The following STAG1 variants were observed in gnomAD, a reference collection of about 807,000 sequenced individuals.
STAG1 encodes the protein STAG1 cohesin complex component, also known as cohesin subunit SA-1.
Under a neutral mutation model 170.9 loss-of-function variants are expected in STAG1, and 26 were observed. The ratio of observed to expected loss-of-function variants is 0.15; its 90% CI spans 0.11 to 0.21. STAG1 has a LOEUF of 0.21. Among genes scored for constraint, STAG1 ranks in the 10% least tolerant of loss-of-function variants. The pLI is 1.00. For missense variants in STAG1, 964 were observed against 1,509.5 expected (o/e 0.64, Z 5.99); for synonymous variants, 514 against 497.7 (o/e 1.03, Z -0.44).
At chr3:136,379,073 C>A (rs1029195548) in intron 22 of STAG1, among the ~76,000 whole-genome samples, 1 of 152,110 alleles carries the variant, frequency 6.6e-6, no homozygotes, top group African/African-American at 2.4e-5. Context: ...GAAGAAGGAG[C>A]GAGTTCATCT....
chr3:136,641,054 G>T (rs975312017), intron 1 of STAG1, among the ~76,000 whole-genome samples: 1 of 152,108 alleles, frequency 6.6e-6, no homozygotes, highest in Non-Finnish European at 1.5e-5. Flanking sequence ...AAACCTCATG[G>T]TTTTCATATA....
chr3:136,418,402 G>GAAAAAAAAA (rs1559789147), intron 20 of STAG1, among the ~76,000 whole-genome samples: 1 of 89,392 alleles, frequency 1.1e-5, no homozygotes, highest in African/African-American at 5.1e-5. Flanking sequence ...AAAAAAAAAG[G>GAAAAAAAAA]TTTTTTTCAT....
At chr3:136,344,406 C>A (rs1423067493) in intron 29 of STAG1, among the ~76,000 whole-genome samples, 1 of 152,042 alleles carries the variant, frequency 6.6e-6, no homozygotes, top group South Asian at 2.1e-4. Context: ...TCCTGGGCCT[C>A]GTAGGGGTCC....
chr3:136,492,500 A>T (rs527881776), intron 9 of STAG1, among the ~76,000 whole-genome samples: 1 of 152,332 alleles, frequency 6.6e-6, no homozygotes, highest in East Asian at 1.9e-4. Flanking sequence ...GATGGACAGA[A>T]TTTATGCTCT....
At position 136,557,753 on chromosome 3, in the gene STAG1, A is replaced by G. The variant is rs1936685517; in HGVS notation, c.394+11012T>C. 2.0e-5 allele frequency among the ~76,000 whole-genome samples: 3 copies of G among 152,190 alleles called. No homozygotes were observed. The South Asian group carries it at 6.2e-4, about 32-fold the overall frequency. On this transcript the variant is annotated intron_variant, in intron 5 of 33. Coordinates refer to ENST00000383202, the MANE Select transcript of STAG1 (RefSeq NM_005862.3). ...AGTGTTTCACCATGTTGGCCAGGCCAGTCTTGAACACCTGACCTCAAGTGA... is the reference window on the plus strand; with the variant it reads ...AGTGTTTCACCATGTTGGCCAGGCCGGTCTTGAACACCTGACCTCAAGTGA...
chr3:136,528,387 A>G (rs1025258835), intron 6 of STAG1, among the ~76,000 whole-genome samples: 2 of 152,028 alleles, frequency 1.3e-5, no homozygotes, highest in Non-Finnish European at 2.9e-5. Flanking sequence ...GCCAGGCGCT[A>G]TAAGAGATGT....
rs541827022 is a variant in STAG1 at position 136,723,721 on chromosome 3, C to T, written c.-84+28474G>A. Among the ~76,000 whole-genome samples the T allele has an allele frequency of 2.7e-3, 404 of 148,054 alleles. 1 individual carries two copies. Among genetic ancestry groups the T allele is most frequent in the African/African-American group, 7.1e-3 (284 of 40,050 alleles). ...GAGGTGAGGGGCGCCTCTGCCTGGC[C>T]GCACCTACTTGGAAGTGAGGAGCCC... On this transcript the variant is annotated intron_variant, in intron 1 of 33. Coordinates refer to ENST00000383202, the MANE Select transcript of STAG1 (RefSeq NM_005862.3).
chr3:136,623,167 C>T lies in STAG1; in HGVS notation c.111G>A (p.Arg37=), dbSNP rs769420135. The T allele has an allele frequency of 1.2e-6, 2 of 1,613,524 alleles. No homozygotes were observed. The highest frequency in any genetic ancestry group is 1.7e-6 in the Non-Finnish European group (2 of 1,179,702). ...EETEVKGKRK[R]GRPGRPPSTN... ...ATACTGGAGGCCGGCCAGGACGACC[C>T]CTTTTTCTTTTTCCTTTGACCTCTG... is the stretch of plus-strand genomic sequence containing the variant. The change falls in exon 3 of 34, where the codon AGG becomes AGA. Residue 37 remains arginine (R), a synonymous_variant. Transcript: ENST00000383202.
chr3:136,420,407 G>C (rs749879057), intron 20 of STAG1, among the ~76,000 whole-genome samples: 23 of 152,080 alleles, frequency 1.5e-4, no homozygotes, highest in Non-Finnish European at 2.9e-4. Context: ...CTATTGCCCA[G>C]GCTGGTCTCA....
At chr3:136,513,630 C>T (rs1028960428) in intron 7 of STAG1, among the ~76,000 whole-genome samples, 7 of 151,768 alleles carry the variant, frequency 4.6e-5, no homozygotes, top group African/African-American at 7.2e-5. Context: ...ACTTTGGAAA[C>T]GAGAAACAAA....
chr3:136,400,708 G>A (rs1289325028), intron 21 of STAG1, among the ~76,000 whole-genome samples: 1 of 151,916 alleles, frequency 6.6e-6, no homozygotes, highest in African/African-American at 2.4e-5. Flanking sequence ...GCTAATTTTT[G>A]TATTTTTAGT....
chr3:136,374,703 A>G (rs1238535677), intron 23 of STAG1, among the ~76,000 whole-genome samples: 1 of 152,172 alleles, frequency 6.6e-6, no homozygotes, highest in African/African-American at 2.4e-5. Flanking sequence ...AAGTTAAAAA[A>G]ATTAAAAAGT....
intron 10 of STAG1, among the ~76,000 whole-genome samples, chr3:136,476,175 G>A (rs918524962): frequency 2.0e-5 from 3 of 152,136 alleles, no homozygotes; most frequent in Non-Finnish European, 4.4e-5. Context: ...CTACCTGGAA[G>A]CCTCAAATAA....
chr3:136,357,096 C>T (rs1476534332), intron 28 of STAG1, among the ~76,000 whole-genome samples: 3 of 152,004 alleles, frequency 2.0e-5, no homozygotes, highest in African/African-American at 4.8e-5. Context: ...TACAGGCACC[C>T]GCCACCACGC....
intron 24 of STAG1, among the ~76,000 whole-genome samples, chr3:136,368,276 T>G (rs1204424523): frequency 6.6e-6 from 1 of 152,198 alleles, no homozygotes; most frequent in Non-Finnish European, 1.5e-5. Context: ...AGAGCTTAAA[T>G]AATCTATTTC....
At chr3:136,675,652 A>G (rs911543807) in intron 1 of STAG1, among the ~76,000 whole-genome samples, 1 of 152,182 alleles carries the variant, frequency 6.6e-6, no homozygotes, top group African/African-American at 2.4e-5. Context: ...GTCTAATTTC[A>G]GAACACTTTC....
chr3:136,485,908 C>G (rs1368121739), intron 9 of STAG1, among the ~76,000 whole-genome samples: 1 of 152,166 alleles, frequency 6.6e-6, no homozygotes, highest in Non-Finnish European at 1.5e-5. Context: ...TACATATTCT[C>G]TCATAAATGG....
intron 1 of STAG1, among the ~76,000 whole-genome samples, chr3:136,719,316 G>A (rs1217209622): frequency 6.6e-6 from 1 of 152,012 alleles, no homozygotes; most frequent in Non-Finnish European, 1.5e-5. Context: ...CATATCTATA[G>A]AGACAGAAAA....
At chr3:136,435,631 A>G (rs1257945463) in intron 15 of STAG1, among the ~76,000 whole-genome samples, 1 of 152,108 alleles carries the variant, frequency 6.6e-6, no homozygotes, top group African/African-American at 2.4e-5. Flanking sequence ...AATTAAAACT[A>G]TGGTTTCCTT....
Sources: allele counts gnomAD v4.1 joint callset (sites outside exome capture counted in the v4.1 genomes callset), GRCh38; gene constraint gnomAD v4.1.1; transcripts MANE v1.5; gene names NCBI Gene and HGNC (gene_info 2026-07-23, HGNC 2026-07-21).